Variants in ROR2 observed in about 807,000 individuals in gnomAD.
The protein encoded by ROR2 is tyrosine-protein kinase transmembrane receptor ROR2.
Under a neutral mutation model 74.9 loss-of-function variants are expected in ROR2, and 33 were observed. The ratio of observed to expected loss-of-function variants is 0.44; its 90% confidence interval spans 0.33 to 0.59. The LOEUF is 0.59. Ranked by LOEUF, ROR2 falls within the 20% of genes least tolerant of loss-of-function variation. ROR2 has a pLI of 0.02. For synonymous variants in ROR2, 586 were observed against 558.7 expected (o/e 1.05, Z -0.69); for missense variants, 1,216 against 1,313.8 (o/e 0.93, Z 1.15).
chr9:91,924,574 A>C (rs1256515835), intron 1 of ROR2, among the ~76,000 whole-genome samples: 2 of 152,146 alleles, frequency 1.3e-5, no homozygotes, highest in African/African-American at 4.8e-5. Flanking sequence ...CGGGCGGATC[A>C]CGAGGTCAGG....
At chr9:91,756,575 C>T (rs1452824429) in intron 3 of ROR2, among the ~76,000 whole-genome samples, 1 of 151,984 alleles carries the variant, frequency 6.6e-6, no homozygotes, top group African/African-American at 2.4e-5. Flanking sequence ...AGGTCAGCCT[C>T]GGGCCCTACC....
At chr9:91,799,867 C>G (rs187265983) in intron 1 of ROR2, among the ~76,000 whole-genome samples, 121 of 152,340 alleles carry the variant, frequency 7.9e-4, no homozygotes, top group African/African-American at 2.8e-3. Context: ...TCTCAAGGAA[C>G]CCCCACACAG....
intron 1 of ROR2, among the ~76,000 whole-genome samples, chr9:91,936,891 G>A (rs1486210825): frequency 4.0e-5 from 6 of 150,264 alleles, no homozygotes; most frequent in African/African-American, 2.4e-5. Flanking sequence ...TTAGCCGGGC[G>A]TAGTGGCGGG....
chr9:91,892,037 G>A lies in ROR2; in HGVS notation c.97+57830C>T, dbSNP rs911798339. ...CACTCCAGGCTGGGCAACAGAACAA[G>A]AATCTGTCTAAGAAGAAAAAAAAAA... On this transcript the variant is annotated intron_variant, in intron 1 of 8. Transcript: ENST00000375708. Among the ~76,000 whole-genome samples the A allele has an allele frequency of 1.6e-4, 18 of 114,010 alleles. No homozygotes were observed. In the East Asian group the frequency reaches 4.0e-3, roughly 25 times the overall value. The allele number at this position is 114,010 out of a possible 152,430, so 74.8% of individuals were successfully genotyped here. A position where few individuals can be genotyped will look rare whatever the true frequency, so the allele number is the denominator to read the frequency against.
intron 1 of ROR2, among the ~76,000 whole-genome samples, chr9:91,780,725 A>C (rs1002116039): frequency 2.0e-5 from 3 of 152,192 alleles, no homozygotes; most frequent in African/African-American, 7.2e-5. Context: ...TGGGAGGTGG[A>C]GGTTGCAGTG....
chr9:91,770,474 TC>T (rs1337362350), intron 2 of ROR2, among the ~76,000 whole-genome samples: 1 of 152,166 alleles, frequency 6.6e-6, no homozygotes, highest in Non-Finnish European at 1.5e-5. Flanking sequence ...GGGAGTGTCT[TC>T]CGTATTCTAA....
intron 1 of ROR2, among the ~76,000 whole-genome samples, chr9:91,885,821 G>A (rs1437776519): frequency 1.3e-5 from 2 of 148,660 alleles, no homozygotes. Flanking sequence ...TGTGAACTGT[G>A]AATATTTTAT....
intron 1 of ROR2, among the ~76,000 whole-genome samples, chr9:91,837,592 G>C (rs1302558406): frequency 6.6e-6 from 1 of 152,156 alleles, no homozygotes; most frequent in Non-Finnish European, 1.5e-5. Context: ...AAGGGGCTTG[G>C]GGAAGAAGGC....
intron 1 of ROR2, among the ~76,000 whole-genome samples, chr9:91,935,779 A>G (rs1831666803): frequency 6.6e-6 from 1 of 152,190 alleles, no homozygotes; most frequent in Non-Finnish European, 1.5e-5. Context: ...ACAGCCCACA[A>G]GTGACAAGGC....
intron 1 of ROR2, among the ~76,000 whole-genome samples, chr9:91,876,131 G>C (rs949018445): frequency 1.3e-5 from 2 of 152,072 alleles, no homozygotes; most frequent in Non-Finnish European, 2.9e-5. Flanking sequence ...CCAGCACTTT[G>C]GGAGGCCAAG....
At chr9:91,738,332 C>T (rs916807989) in intron 4 of ROR2, among the ~76,000 whole-genome samples, 2 of 152,002 alleles carry the variant, frequency 1.3e-5, no homozygotes, top group Non-Finnish European at 2.9e-5. Context: ...CAAAAAATTC[C>T]ACATCTTTAA....
At chr9:91,904,978 C>T (rs1199502776) in intron 1 of ROR2, among the ~76,000 whole-genome samples, 1 of 151,892 alleles carries the variant, frequency 6.6e-6, no homozygotes, top group Non-Finnish European at 1.5e-5. Context: ...ACATGCCACA[C>T]AACATACAAT....
chr9:91,756,028 C>A (rs748604877), intron 4 of ROR2, 43 bp downstream of exon 4: 14 of 1,604,672 alleles, frequency 8.7e-6, no homozygotes, highest in Non-Finnish European at 1.2e-5. Flanking sequence ...TAACAAAAAC[C>A]CTCAGAGCAG....
chr9:91,752,890 T>C (rs1206902667), intron 4 of ROR2, among the ~76,000 whole-genome samples: 5 of 152,190 alleles, frequency 3.3e-5, no homozygotes, highest in Non-Finnish European at 7.3e-5. Flanking sequence ...GATGGAACGA[T>C]AAGTGATAAA....
intron 1 of ROR2, among the ~76,000 whole-genome samples, chr9:91,944,420 A>G (rs1167694404): frequency 6.6e-6 from 1 of 152,236 alleles, no homozygotes; most frequent in African/African-American, 2.4e-5. Context: ...TTGTAAAGGA[A>G]GAAGTAAAAT....
chr9:91,843,019 A>G (rs1458250175), intron 1 of ROR2, among the ~76,000 whole-genome samples: 1 of 152,234 alleles, frequency 6.6e-6, no homozygotes, highest in African/African-American at 2.4e-5. Context: ...TACATTTACA[A>G]ACTATTTGCT....
intron 1 of ROR2, among the ~76,000 whole-genome samples, chr9:91,814,581 A>G (rs937444243): frequency 1.3e-5 from 2 of 152,240 alleles, no homozygotes; most frequent in Non-Finnish European, 2.9e-5. Flanking sequence ...CAGCTGTTAC[A>G]TACCACTCTT....
chr9:91,897,634 T>C (rs1055464444), intron 1 of ROR2, among the ~76,000 whole-genome samples: 2 of 151,046 alleles, frequency 1.3e-5, no homozygotes, highest in African/African-American at 4.9e-5. Flanking sequence ...AGATGTGGGG[T>C]GAGCTTGTGG....
intron 1 of ROR2, among the ~76,000 whole-genome samples, chr9:91,890,758 C>G (rs1298576228): frequency 6.6e-6 from 1 of 152,206 alleles, no homozygotes; most frequent in Non-Finnish European, 1.5e-5. Context: ...ACGGTGACAA[C>G]AGAAATCTGT....
Sources: gnomAD v4.1 joint callset for allele counts (sites outside exome capture counted in the v4.1 genomes callset) on GRCh38, gnomAD v4.1.1 for gene constraint, MANE v1.5 for transcripts, NCBI Gene and HGNC (gene_info 2026-07-23, HGNC 2026-07-21) for gene names.